ASIC2: variants seen among roughly 807,000 people sequenced by gnomAD.
ASIC2 encodes the protein acid-sensing ion channel 2.
A neutral mutation model predicts 57.3 loss-of-function variants in ASIC2; 25 were observed. That is an observed-to-expected ratio of 0.44 (90% CI 0.32 to 0.61). The LOEUF (loss-of-function observed/expected upper bound fraction) is 0.61, where lower values mean the gene tolerates loss of function less well. Ranked by LOEUF, ASIC2 falls within the 20% of genes least tolerant of loss-of-function variation. The pLI is 0.06. For missense variants in ASIC2, 641 were observed against 738.1 expected (o/e 0.87, Z 1.52); for synonymous variants, 319 against 307.5 (o/e 1.04, Z -0.39).
At chr17:33,119,195 T>G (rs1401611127) in intron 1 of ASIC2, among the ~76,000 whole-genome samples, 1 of 152,198 alleles carries the variant, frequency 6.6e-6, no homozygotes, top group Non-Finnish European at 1.5e-5. Context: ...CCTTTAGGGC[T>G]TCTTCTGGGT....
chr17:33,408,426 G>A (rs540528843), intron 1 of ASIC2, among the ~76,000 whole-genome samples: 1 of 152,314 alleles, frequency 6.6e-6, no homozygotes, highest in South Asian at 2.1e-4. Flanking sequence ...GAGGCCAGAC[G>A]TGGGTGTGAA....
At position 33,728,077 on chromosome 17, in the gene ASIC2, C is replaced by T. The variant is rs796774254; in HGVS notation, c.555+427901G>A. Among the ~76,000 whole-genome samples the T allele has an allele frequency of 3.0e-4, 45 of 152,286 alleles. 2 individuals are homozygous for T. Among genetic ancestry groups the T allele is most frequent in the African/African-American group, 1.1e-3 (45 of 41,560 alleles). ...CACATGCTCTGCCTGGATTCCCTCC[C>T]ATCCCCATTGCCAATTCTGCACCTC... On this transcript the variant is annotated intron_variant, in intron 1 of 9. Transcript: ENST00000359872.
chr17:34,011,758 T>A (rs549553799), intron 1 of ASIC2, among the ~76,000 whole-genome samples: 18 of 152,308 alleles, frequency 1.2e-4, no homozygotes, highest in Admixed American at 3.3e-4. Context: ...ACCAGACTTT[T>A]AAGTAGCATC....
chr17:33,577,805 T>C (rs1476439567), intron 1 of ASIC2, among the ~76,000 whole-genome samples: 1 of 152,182 alleles, frequency 6.6e-6, no homozygotes, highest in Non-Finnish European at 1.5e-5. Context: ...CAACCTGTCT[T>C]ACACCACCAT....
intron 1 of ASIC2, among the ~76,000 whole-genome samples, chr17:33,896,140 T>C (rs1342588431): frequency 6.6e-6 from 1 of 152,220 alleles, no homozygotes; most frequent in Non-Finnish European, 1.5e-5. Flanking sequence ...TGTTAATAAT[T>C]TATTTATATT....
intron 1 of ASIC2, chr17:33,581,217 G>A (rs1227753761): frequency 6.6e-6 from 1 of 152,226 alleles, no homozygotes; most frequent in Non-Finnish European, 1.5e-5. Flanking sequence ...TCAACTTTCT[G>A]TTGCTGGCCT....
chr17:33,212,629 A>G (rs1342393611), intron 1 of ASIC2, among the ~76,000 whole-genome samples: 2 of 152,224 alleles, frequency 1.3e-5, no homozygotes, highest in Non-Finnish European at 2.9e-5. Context: ...CAAGACATCA[A>G]TATGAGAAAG....
At chr17:33,677,225 G>T (rs1466154877) in intron 1 of ASIC2, among the ~76,000 whole-genome samples, 1 of 152,174 alleles carries the variant, frequency 6.6e-6, no homozygotes, top group Non-Finnish European at 1.5e-5. Context: ...TGCCCTCTAG[G>T]ACTTTCATAG....
At chr17:33,644,939 A>G (rs1906694041) in intron 1 of ASIC2, among the ~76,000 whole-genome samples, 1 of 152,230 alleles carries the variant, frequency 6.6e-6, no homozygotes, top group Admixed American at 6.5e-5. Flanking sequence ...AACAGTAGGA[A>G]GATAAATATG....
At chr17:33,707,380 A>AT (rs958961930) in intron 1 of ASIC2, among the ~76,000 whole-genome samples, 9 of 152,046 alleles carry the variant, frequency 5.9e-5, no homozygotes, top group Non-Finnish European at 1.3e-4. Context: ...CTTCTGACTA[A>AT]TTTTTTAACA....
Position 34,076,177 on chromosome 17 carries a change from G to A in ASIC2, c.555+79801C>T, listed in dbSNP as rs147179206. 9.0e-4 allele frequency among the ~76,000 whole-genome samples: 136 copies of A among 151,824 alleles called. 1 individual carries two copies. Among genetic ancestry groups the A allele is most frequent in the African/African-American group, 3.0e-3 (126 of 41,404 alleles). On this transcript the variant is annotated intron_variant, in intron 1 of 9. Coordinates refer to the ASIC2 transcript ENST00000359872. ...GCCACCATGCCTGGCTAATTTTTTC[G>A]TATTTTTAATAGACACGGGGTTTCA...
At chr17:33,014,567 C>T (rs2091795968) in intron 9 of ASIC2, among the ~76,000 whole-genome samples, 1 of 152,074 alleles carries the variant, frequency 6.6e-6, no homozygotes, top group South Asian at 2.1e-4. Flanking sequence ...TAAGCTGGAC[C>T]CAGGGCAATG....
intron 3 of ASIC2, among the ~76,000 whole-genome samples, chr17:33,029,120 AT>A (rs1193324955): frequency 6.6e-6 from 1 of 152,180 alleles, no homozygotes; most frequent in African/African-American, 2.4e-5. Flanking sequence ...CTTTATATCC[AT>A]TTTTCAAGAT....
intron 1 of ASIC2, among the ~76,000 whole-genome samples, chr17:33,374,713 T>C (rs1383539071): frequency 6.6e-6 from 1 of 152,230 alleles, no homozygotes; most frequent in Non-Finnish European, 1.5e-5. Flanking sequence ...CGTGAGGTTA[T>C]GCAGCCCAGA....
In ASIC2 at chr17:33,625,129, G is replaced by GTCTATCTATCTATCTA. The variant is rs199907150; in HGVS notation, c.556-513078_556-513063dup. Among the ~76,000 whole-genome samples the GTCTATCTATCTATCTA allele has an allele frequency of 3.0e-4, 44 of 146,438 alleles. 1 individual carries two copies. Among genetic ancestry groups the GTCTATCTATCTATCTA allele is most frequent in the African/African-American group, 3.2e-4 (13 of 40,100 alleles). On this transcript the variant is annotated intron_variant, in intron 1 of 9. Coordinates refer to the ASIC2 transcript ENST00000359872. ...TTATCAAAGACAATGTGGCCTCTCT[G>GTCTATCTATCTATCTA]TCTATCTATCTATCTATCTATCTAT...
intron 1 of ASIC2, among the ~76,000 whole-genome samples, chr17:33,723,436 C>G (rs1038043218): frequency 2.6e-5 from 4 of 152,170 alleles, no homozygotes; most frequent in African/African-American, 9.7e-5. Flanking sequence ...TCAAGAGATT[C>G]TTATGCCTCA....
At chr17:33,384,678 C>T (rs112933215) in intron 1 of ASIC2, among the ~76,000 whole-genome samples, 7 of 152,170 alleles carry the variant, frequency 4.6e-5, no homozygotes, top group African/African-American at 9.7e-5. Context: ...GGAAGAAGGA[C>T]GTGTCCTTCA....
At chr17:33,274,478 C>T (rs1056931783) in intron 1 of ASIC2, among the ~76,000 whole-genome samples, 1 of 152,200 alleles carries the variant, frequency 6.6e-6, no homozygotes, top group African/African-American at 2.4e-5. Flanking sequence ...AATAATCCAG[C>T]AAGTACAAAT....
At chr17:34,037,041 G>A (rs1239287070) in intron 1 of ASIC2, 3 of 152,576 alleles carry the variant, frequency 2.0e-5, no homozygotes, top group Non-Finnish European at 4.4e-5. Context: ...AAGAGGAGAG[G>A]GAAGCTGCAT....
Sources: allele counts gnomAD v4.1 joint callset (sites outside exome capture counted in the v4.1 genomes callset), GRCh38; gene constraint gnomAD v4.1.1; transcripts MANE v1.5; gene names NCBI Gene and HGNC (gene_info 2026-07-23, HGNC 2026-07-21).